MYLK: variants seen among roughly 807,000 people sequenced by gnomAD.
MYLK encodes the protein myosin light chain kinase, smooth muscle.
In MYLK, 106 loss-of-function variants were observed where a neutral mutation model predicts 203.4. That is an observed-to-expected ratio of 0.52 (90% CI 0.45 to 0.61). The LOEUF (loss-of-function observed/expected upper bound fraction) is 0.61, where lower values mean the gene tolerates loss of function less well. Among genes scored for constraint, MYLK ranks in the 20% least tolerant of loss-of-function variants. The pLI, the probability that MYLK is intolerant of heterozygous loss-of-function variation, is 0.00. For synonymous variants in MYLK, 867 were observed against 959.5 expected, an observed-to-expected ratio of 0.90 and a Z score of 1.78; for missense variants, 2,072 against 2,442.3, an observed-to-expected ratio of 0.85 and a Z score of 3.20.
chr3:123,790,473 C>A (rs2064732860), intron 4 of MYLK, among the ~76,000 whole-genome samples: 1 of 152,182 alleles, frequency 6.6e-6, no homozygotes, highest in Non-Finnish European at 1.5e-5. Context: ...ACTGAGCCCA[C>A]AGAGATGAGC....
chr3:123,719,795 G>T (rs1485086021), intron 13 of MYLK, among the ~76,000 whole-genome samples: 11 of 152,204 alleles, frequency 7.2e-5, no homozygotes, highest in Admixed American at 6.5e-4. Flanking sequence ...AGCCATCAGT[G>T]CAGTAGGGAA....
intron 16 of MYLK, among the ~76,000 whole-genome samples, chr3:123,706,406 G>T (rs1352215977): frequency 6.6e-6 from 1 of 152,084 alleles, no homozygotes; most frequent in African/African-American, 2.4e-5. Context: ...GAACATGATG[G>T]GCTCAGCATG....
At chr3:123,854,957 T>C (rs2031217111) in intron 2 of MYLK, among the ~76,000 whole-genome samples, 1 of 152,236 alleles carries the variant, frequency 6.6e-6, no homozygotes, top group African/African-American at 2.4e-5. Context: ...CCTGTCAGTC[T>C]GTCATTTATT....
intron 2 of MYLK, among the ~76,000 whole-genome samples, chr3:123,866,861 C>T (rs2032364496): frequency 6.6e-6 from 1 of 152,102 alleles, no homozygotes; most frequent in Admixed American, 6.5e-5. Flanking sequence ...GCAGTCCCTC[C>T]CTCCTCACCC....
rs2057230767 is a variant in MYLK, at chr3:123,610,787, A to G, written c.*3318T>C. The G allele has an allele frequency of 6.6e-6, 1 of 152,234 alleles. No homozygotes were observed. The highest frequency in any genetic ancestry group is 6.5e-5 in the Admixed American group (1 of 15,288). The allele number at this position is 152,234 out of a possible 1,614,324, so 9.4% of individuals were successfully genotyped here. A position where few individuals can be genotyped will look rare whatever the true frequency, so the allele number is the denominator to read the frequency against. ...CCTATGTACTTATTAGCACAGATTT[A>G]TCAAAAACAGGTGAGGTGTGGAGCA... On this transcript the variant is annotated 3_prime_UTR_variant, in exon 34 of 34. Transcript: ENST00000360304.
chr3:123,682,068 T>G (rs2060284279), intron 20 of MYLK, 156 bp downstream of exon 20: 1 of 699,688 alleles, frequency 1.4e-6, no homozygotes, highest in Non-Finnish European at 2.6e-6. Flanking sequence ...TTATTGGGAG[T>G]TCACTGGGCA....
chr3:123,795,436 A>C (rs2064951644), intron 3 of MYLK, among the ~76,000 whole-genome samples: 1 of 152,246 alleles, frequency 6.6e-6, no homozygotes, highest in Non-Finnish European at 1.5e-5. Context: ...TATTATAAGT[A>C]CATATCTGAG....
chr3:123,711,632 C>T (rs1287850889), intron 13 of MYLK, among the ~76,000 whole-genome samples: 3 of 152,196 alleles, frequency 2.0e-5, no homozygotes, highest in Non-Finnish European at 4.4e-5. Flanking sequence ...TCTGGTCTCT[C>T]CCTTGGTTCT....
At chr3:123,769,997 G>A (rs2063823471) in intron 4 of MYLK, among the ~76,000 whole-genome samples, 1 of 152,074 alleles carries the variant, frequency 6.6e-6, no homozygotes, top group Non-Finnish European at 1.5e-5. Flanking sequence ...CATATTGGCT[G>A]ATAGAATCAA....
intron 3 of MYLK, among the ~76,000 whole-genome samples, chr3:123,795,752 G>A (rs553728418): frequency 1.3e-5 from 2 of 152,310 alleles, no homozygotes; most frequent in Non-Finnish European, 2.9e-5. Context: ...TGGCCCAGAC[G>A]TGGGGCACAC....
chr3:123,659,422 A>C (rs909724279), intron 23 of MYLK, among the ~76,000 whole-genome samples: 2 of 152,242 alleles, frequency 1.3e-5, no homozygotes, highest in Admixed American at 6.5e-5. Context: ...TATACATGAC[A>C]TATGTGATAC....
chr3:123,836,793 T>C (rs1380655862), intron 2 of MYLK, among the ~76,000 whole-genome samples: 3 of 152,142 alleles, frequency 2.0e-5, no homozygotes, highest in African/African-American at 2.4e-5. Flanking sequence ...GGGTCAGGCG[T>C]CCAAGGACAC....
intron 19 of MYLK, among the ~76,000 whole-genome samples, chr3:123,690,600 A>G (rs1483020533): frequency 6.6e-6 from 1 of 152,192 alleles, no homozygotes; most frequent in East Asian, 1.9e-4. Flanking sequence ...CTACTTTCCT[A>G]GAGAGGCTCT....
chr3:123,856,651 C>T (rs1023810711), intron 2 of MYLK, among the ~76,000 whole-genome samples: 1 of 152,120 alleles, frequency 6.6e-6, no homozygotes, highest in Non-Finnish European at 1.5e-5. Flanking sequence ...AGGAAACAGG[C>T]TCAGAGAAGT....
chr3:123,749,519 C>G (rs1483641614), intron 5 of MYLK, among the ~76,000 whole-genome samples: 1 of 152,128 alleles, frequency 6.6e-6, no homozygotes, highest in East Asian at 1.9e-4. Flanking sequence ...AACTGCATGG[C>G]CCTCATTAAG....
At chr3:123,849,238 T>C (rs933968756) in intron 2 of MYLK, among the ~76,000 whole-genome samples, 11 of 152,288 alleles carry the variant, frequency 7.2e-5, no homozygotes, top group Admixed American at 2.0e-4. Context: ...CCTCCTAAAG[T>C]GCTTGGATTA....
At chr3:123,786,908 A>T (rs2064556223) in intron 4 of MYLK, among the ~76,000 whole-genome samples, 1 of 152,242 alleles carries the variant, frequency 6.6e-6, no homozygotes, top group African/African-American at 2.4e-5. Context: ...AGGATACTCA[A>T]CATTATTAAT....
At chr3:123,751,769 G>C (rs557910219) in intron 5 of MYLK, among the ~76,000 whole-genome samples, 1 of 152,168 alleles carries the variant, frequency 6.6e-6, no homozygotes, top group African/African-American at 2.4e-5. Context: ...AGTGGGGTGA[G>C]AAGATGGAGA....
At chr3:123,667,088 C>A (rs777470389) in intron 21 of MYLK, 49 bp downstream of exon 21, 4 of 1,581,192 alleles carry the variant, frequency 2.5e-6, no homozygotes, top group Non-Finnish European at 2.6e-6. Context: ...AGGCAAAACC[C>A]CCATGGTAGA....
Sources: gnomAD v4.1 joint callset for allele counts (sites outside exome capture counted in the v4.1 genomes callset) on GRCh38, gnomAD v4.1.1 for gene constraint, MANE v1.5 for transcripts, NCBI Gene and HGNC (gene_info 2026-07-23, HGNC 2026-07-21) for gene names.